The following COMMD10 variants were observed in gnomAD, a reference collection of about 807,000 sequenced individuals.
COMMD10 encodes COMM domain containing 10, also known as COMM domain-containing protein 10.
Under a neutral mutation model 28.9 loss-of-function variants are expected in COMMD10, and 33 were observed. The ratio of observed to expected loss-of-function variants is 1.14; its 90% CI spans 0.87 to 1.53. The LOEUF (loss-of-function observed/expected upper bound fraction) is 1.53, where lower values mean the gene tolerates loss of function less well. COMMD10 is among the 40% of genes most tolerant of loss of function. COMMD10 has a pLI of 0.00. For missense variants in COMMD10, 310 were observed against 233.4 expected (o/e 1.33, Z -2.14); for synonymous variants, 110 against 81.7 (o/e 1.35, Z -1.87).
intron 5 of COMMD10, among the ~76,000 whole-genome samples, chr5:116,157,713 G>A (rs1404808982): frequency 6.6e-6 from 1 of 152,134 alleles, no homozygotes; most frequent in Non-Finnish European, 1.5e-5. Context: ...ATAGTGAGAG[G>A]TGAAGAATTG....
intron 4 of COMMD10, among the ~76,000 whole-genome samples, chr5:116,108,530 C>T (rs766821153): frequency 1.2e-4 from 19 of 152,226 alleles, no homozygotes; most frequent in African/African-American, 2.7e-4. Context: ...CAATGGCGGA[C>T]GCCTGTCCCT....
chr5:116,098,509 T>G (rs1750539485), intron 4 of COMMD10, among the ~76,000 whole-genome samples: 1 of 152,246 alleles, frequency 6.6e-6, no homozygotes, highest in Non-Finnish European at 1.5e-5. Context: ...ATTTGCCATG[T>G]GCTGAGTACT....
At chr5:116,238,507 T>C (rs1322554847) in intron 5 of COMMD10, among the ~76,000 whole-genome samples, 1 of 152,240 alleles carries the variant, frequency 6.6e-6, no homozygotes, top group Non-Finnish European at 1.5e-5. Flanking sequence ...CATTAAGTTT[T>C]ATTCAACAAA....
At chr5:116,133,322 A>G (rs1751920648) in intron 4 of COMMD10, among the ~76,000 whole-genome samples, 6 of 152,222 alleles carry the variant, frequency 3.9e-5, no homozygotes, top group Admixed American at 3.9e-4. Context: ...CTTTATAAGA[A>G]AAGTTACTCT....
At chr5:116,202,421 A>C (rs1748694444) in intron 5 of COMMD10, among the ~76,000 whole-genome samples, 1 of 152,042 alleles carries the variant, frequency 6.6e-6, no homozygotes, top group African/African-American at 2.4e-5. Flanking sequence ...TGGCTGGGTC[A>C]AATGGTATTT....
rs963703250 is a variant in COMMD10 at position 116,129,810 on chromosome 5, T to C, written c.400-4258T>C. ...TATATACTATATACTATATAATATA[T>C]ATTAGTATATATAGTATAGTATATA... On this transcript the variant is annotated intron_variant, in intron 4 of 6. Transcript: ENST00000274458. Among the ~76,000 whole-genome samples, 4 of 144,924 alleles carry C rather than the reference T, an allele frequency of 2.8e-5. 1 individual carries two copies. Among genetic ancestry groups the C allele is most frequent in the East Asian group, 2.0e-4 (1 of 5,062 alleles).
intron 5 of COMMD10, among the ~76,000 whole-genome samples, chr5:116,154,160 CATTATCA>C (rs200346873): frequency 0.015 from 2,226 of 152,168 alleles, 61 homozygotes; most frequent in African/African-American, 0.05. Flanking sequence ...AGAGTGTAAA[CATTATCA>C]TTTTCTGTCA....
intron 5 of COMMD10, among the ~76,000 whole-genome samples, chr5:116,206,825 A>C (rs1268896668): frequency 6.6e-6 from 1 of 152,206 alleles, no homozygotes; most frequent in Non-Finnish European, 1.5e-5. Context: ...AATCAGAAAT[A>C]TATTCCAGCC....
At chr5:116,240,928 A>T (rs1749792088) in intron 5 of COMMD10, among the ~76,000 whole-genome samples, 2 of 152,160 alleles carry the variant, frequency 1.3e-5, no homozygotes, top group Admixed American at 6.5e-5. Flanking sequence ...CTACAAGATT[A>T]ATTTTCCTCT....
At chr5:116,274,766 C>G (rs1436791810) in intron 5 of COMMD10, among the ~76,000 whole-genome samples, 2 of 151,738 alleles carry the variant, frequency 1.3e-5, no homozygotes, top group African/African-American at 4.9e-5. Context: ...TTTTAACCCA[C>G]CTCTCAAGGC....
chr5:116,104,819 C>T (rs1750785797), intron 4 of COMMD10, among the ~76,000 whole-genome samples: 2 of 152,172 alleles, frequency 1.3e-5, no homozygotes, highest in Admixed American at 1.3e-4. Context: ...CGGGGTTTCA[C>T]TGTCTTAGCC....
intron 5 of COMMD10, among the ~76,000 whole-genome samples, chr5:116,289,482 G>A (rs1751308734): frequency 6.6e-6 from 1 of 151,804 alleles, no homozygotes; most frequent in South Asian, 2.1e-4. Context: ...GCACCTGCCC[G>A]TGGAACTGCA....
rs191416340 is a variant in COMMD10 at position 116,151,571 on chromosome 5, C to A, written c.510+17393C>A. Among the ~76,000 whole-genome samples the A allele has an allele frequency of 1.7e-3, 265 of 152,292 alleles. 1 individual carries two copies. Among genetic ancestry groups the A allele is most frequent in the African/African-American group, 6.0e-3 (250 of 41,578 alleles). The stretch of plus-strand genomic sequence containing the variant: ...GTCTATTCAGAGAGTCAACTTCTTC[C>A]TGGTTTAATCTTGGGAGTGTATATG... On this transcript the variant is annotated intron_variant, in intron 5 of 6. Transcript: ENST00000274458.
intron 2 of COMMD10, among the ~76,000 whole-genome samples, chr5:116,089,205 G>T (rs1750218411): frequency 6.6e-6 from 1 of 152,132 alleles, no homozygotes; most frequent in African/African-American, 2.4e-5. Flanking sequence ...TAATCCGTAT[G>T]GCAACTTGAA....
chr5:116,263,529 C>G (rs1436623283), intron 5 of COMMD10, among the ~76,000 whole-genome samples: 1 of 151,698 alleles, frequency 6.6e-6, no homozygotes, highest in Non-Finnish European at 1.5e-5. Context: ...AGGCGATAAT[C>G]AACTAAGAGC....
chr5:116,115,313 T>C (rs184186881), intron 4 of COMMD10, among the ~76,000 whole-genome samples: 1 of 152,314 alleles, frequency 6.6e-6, no homozygotes, highest in East Asian at 1.9e-4. Flanking sequence ...AGTTACCTTC[T>C]CCCACGTTGC....
At chr5:116,113,047 A>G (rs1170458244) in intron 4 of COMMD10, among the ~76,000 whole-genome samples, 1 of 152,138 alleles carries the variant, frequency 6.6e-6, no homozygotes. Flanking sequence ...ATTGTCTGGG[A>G]AAGACTATTT....
chr5:116,259,023 C>T (rs1489801456), intron 5 of COMMD10, among the ~76,000 whole-genome samples: 16 of 147,700 alleles, frequency 1.1e-4, no homozygotes, highest in African/African-American at 4.0e-4. Context: ...TTGTCTTTGT[C>T]TTCTATCTCA....
chr5:116,283,254 C>T (rs952776729), intron 5 of COMMD10, among the ~76,000 whole-genome samples: 2 of 151,868 alleles, frequency 1.3e-5, no homozygotes, highest in South Asian at 2.1e-4. Flanking sequence ...ACCTTATTTA[C>T]TGACTTCATC....
Sources: allele counts gnomAD v4.1 joint callset (sites outside exome capture counted in the v4.1 genomes callset), GRCh38; gene constraint gnomAD v4.1.1; transcripts MANE v1.5; gene names NCBI Gene and HGNC (gene_info 2026-07-23, HGNC 2026-07-21).